RAD21: variants seen among roughly 807,000 people sequenced by gnomAD.
RAD21 encodes RAD21 cohesin complex component, also known as double-strand-break repair protein rad21 homolog.
In RAD21, 18 loss-of-function variants were observed where a neutral mutation model predicts 71.5. That is an observed-to-expected ratio of 0.25 (90% CI 0.17 to 0.37). RAD21 has a LOEUF of 0.37. Among genes scored for constraint, RAD21 ranks in the 10% least tolerant of loss-of-function variants. RAD21 has a pLI of 1.00. For synonymous variants in RAD21, 248 were observed against 254.0 expected (o/e 0.98, Z 0.22); for missense variants, 493 against 769.1 (o/e 0.64, Z 4.25).
intron 7 of RAD21, among the ~76,000 whole-genome samples, 161 bp from the exon 8 acceptor site, chr8:116,856,449 T>C (rs982246669): frequency 6.6e-6 from 1 of 152,150 alleles, no homozygotes; most frequent in Non-Finnish European, 1.5e-5. Flanking sequence ...CCCGCCAGAC[T>C]TGAACCCAAT....
chr8:116,852,159 A>G, intron 10 of RAD21, 63 bp from the exon 11 acceptor site: 1 of 1,402,228 alleles, frequency 7.1e-7, no homozygotes, highest in African/African-American at 1.4e-5. Flanking sequence ...TTATAGAACC[A>G]TTTATTTTTT....
chr8:116,850,639 T>C lies in RAD21; in HGVS notation c.1599A>G (p.Lys533=). The stretch of plus-strand genomic sequence containing the variant: ...TTACCTCTTCCTCTTCATCATCTTC[T>C]TTTTCCTTCTCTTTCTCCTTCTCTT... ...PEKEKEKEKE[K]EDDEEEEDED... is the part of the protein sequence containing the mutation. The change falls in exon 12 of 14, where the codon AAA becomes AAG. Residue 533 remains lysine, a synonymous_variant. Coordinates refer to ENST00000297338, the MANE Select transcript of RAD21 (RefSeq NM_006265.3). The C allele has an allele frequency of 6.2e-7, 1 of 1,609,918 alleles. No homozygotes were observed. Among genetic ancestry groups the C allele is most frequent in the Non-Finnish European group, 8.5e-7 (1 of 1,176,570 alleles).
chr8:116,860,471 G>A (rs1370803984), intron 4 of RAD21, among the ~76,000 whole-genome samples: 1 of 152,150 alleles, frequency 6.6e-6, no homozygotes, highest in African/African-American at 2.4e-5. Flanking sequence ...AATTGCCGCA[G>A]TTACCTCAAA....
At chr8:116,858,609 G>C (rs1364188496) in intron 4 of RAD21, 151 bp from the exon 5 acceptor site, 3 of 514,186 alleles carry the variant, frequency 5.8e-6, no homozygotes. Flanking sequence ...ACACATTCCA[G>C]TACAATCCAA....
In RAD21 at chr8:116,861,824, T is replaced by TC; in HGVS notation, c.374+16_374+17insG. The TC allele has an allele frequency of 6.3e-7, 1 of 1,582,272 alleles. No individual in the cohort carries two copies. The highest frequency in any genetic ancestry group is 8.7e-7 in the Non-Finnish European group (1 of 1,152,688). On this transcript the variant is annotated intron_variant, in intron 4 of 13. Transcript: ENST00000297338. ...TGCAGACCAAGTCAACAATTTTTTT[T>TC]AAAAGAAGACACATACTCTAAGTCA...
rs16888946 is a variant in RAD21 at position 116,858,949 on chromosome 8, C to T, written c.375-491G>A. 8.1e-3 allele frequency among the ~76,000 whole-genome samples: 1,197 copies of T among 148,238 alleles called. 14 individuals are homozygous for T. The highest frequency in any genetic ancestry group is 0.03 in the African/African-American group (1,142 of 38,098). On this transcript the variant is annotated intron_variant, in intron 4 of 13. Coordinates refer to ENST00000297338, the MANE Select transcript of RAD21 (RefSeq NM_006265.3). The stretch of plus-strand genomic sequence containing the variant: ...AGCCATATCCAGAACATTAATACCT[C>T]AAAACAACTGACCAAGTCTGTACAA...
intron 1 of RAD21, among the ~76,000 whole-genome samples, chr8:116,867,684 G>T (rs2130487168): frequency 6.6e-6 from 1 of 152,256 alleles, no homozygotes; most frequent in Non-Finnish European, 1.5e-5. Context: ...ACTAGAAAAT[G>T]ATATATGCCT....
In RAD21 at chr8:116,856,564, T is replaced by C. The variant is rs1279325974; in HGVS notation, c.814+82A>G. ...TTATAATTCACTAAAAACTACAACT[T>C]TTAGTTTGTCATCTTCTATGGTAAG... On this transcript the variant is annotated intron_variant, in intron 7 of 13. Coordinates refer to ENST00000297338, the MANE Select transcript of RAD21 (RefSeq NM_006265.3). The C allele has an allele frequency of 5.0e-6, 7 of 1,403,822 alleles. No individual in the cohort carries two copies. In the Admixed American group the frequency reaches 7.5e-5, roughly 15 times the overall value. 87.0% of individuals were successfully genotyped at this position (1,403,822 alleles called of 1,614,324 possible).
chr8:116,873,327 T>G (rs996450544), intron 1 of RAD21, among the ~76,000 whole-genome samples: 8 of 152,220 alleles, frequency 5.3e-5, no homozygotes, highest in Non-Finnish European at 1.0e-4. Flanking sequence ...ATACAAACTG[T>G]TAACTTATTT....
chr8:116,873,619 C>G (rs1310902814), intron 1 of RAD21, among the ~76,000 whole-genome samples: 2 of 149,564 alleles, frequency 1.3e-5, no homozygotes, highest in African/African-American at 4.9e-5. Context: ...TTCCCAGAAA[C>G]TCTTCGCACA....
chr8:116,855,217 T>C (rs752457250), intron 8 of RAD21, among the ~76,000 whole-genome samples: 4 of 152,190 alleles, frequency 2.6e-5, no homozygotes, highest in South Asian at 2.1e-4. Flanking sequence ...TTTTACTTAA[T>C]TGCCCATTTC....
intron 13 of RAD21, 195 bp downstream of exon 13, chr8:116,848,751 T>TA: frequency 4.7e-6 from 2 of 424,754 alleles, no homozygotes; most frequent in South Asian, 6.6e-5. Flanking sequence ...AATTAAAACT[T>TA]AAACTATAAT....
rs113285290 is a variant in RAD21, at chr8:116,873,636, G to GTT, written c.-33+973_-33+974dup. ...CCCAGAAACTCTTCGCACAAACGCT[G>GTT]TTTTTTTTTTCACGCTGAAGACACT... On this transcript the variant is annotated intron_variant, in intron 1 of 13. Transcript: ENST00000297338. 6.3e-3 allele frequency among the ~76,000 whole-genome samples: 946 copies of GTT among 149,788 alleles called. 5 individuals are homozygous for GTT. The highest frequency in any genetic ancestry group is 9.4e-3 in the Non-Finnish European group (634 of 67,276).
intron 3 of RAD21, among the ~76,000 whole-genome samples, chr8:116,862,705 A>T (rs2130478613): frequency 6.6e-6 from 1 of 152,272 alleles, no homozygotes; most frequent in Non-Finnish European, 1.5e-5. Flanking sequence ...ACCAATCATT[A>T]CCTAAAACAA....
At chr8:116,849,833 T>C (rs1406930725) in intron 12 of RAD21, among the ~76,000 whole-genome samples, 1 of 152,230 alleles carries the variant, frequency 6.6e-6, no homozygotes, top group Admixed American at 6.5e-5. Context: ...ATAAGCACTA[T>C]TATTAGAATT....
chr8:116,868,306 A>G (rs1460144681), intron 1 of RAD21, among the ~76,000 whole-genome samples: 1 of 152,244 alleles, frequency 6.6e-6, no homozygotes, highest in Non-Finnish European at 1.5e-5. Flanking sequence ...CTGTGATCCA[A>G]GTTGTTACGT....
At position 116,863,200 on chromosome 8, in the gene RAD21, G is replaced by A. The variant is rs918914974; in HGVS notation, c.204C>T (p.His68=). 6 of 1,612,192 alleles carry A rather than the reference G, an allele frequency of 3.7e-6. No homozygotes were observed. Among genetic ancestry groups the A allele is most frequent in the Non-Finnish European group, 5.1e-6 (6 of 1,178,604 alleles). ...HLLLGVVRIY[H]RKAKYLLADC... is the part of the protein sequence containing the mutation. ...CTGCAAGAAGGTATTTGGCTTTCCT[G>A]TGATAGATTCGAACTACTCCCAGTA... Residue 68 remains histidine, a synonymous_variant, in exon 3 of 14, where the codon CAC becomes CAT. Coordinates refer to ENST00000297338, the MANE Select transcript of RAD21 (RefSeq NM_006265.3).
intron 1 of RAD21, among the ~76,000 whole-genome samples, chr8:116,868,147 ATCC>A (rs1385473181): frequency 6.6e-6 from 1 of 152,158 alleles, no homozygotes; most frequent in Admixed American, 6.5e-5. Context: ...GGCTCAAGCA[ATCC>A]TCCTCCCTCA....
intron 1 of RAD21, chr8:116,874,154 G>GCGCCGCGGGCGCCGGGCCCGC (rs1812913944): frequency 6.7e-6 from 1 of 149,646 alleles, no homozygotes; most frequent in Admixed American, 6.6e-5. Flanking sequence ...CCCGGGGCTG[G>GCGCCGCGGGCGCCGGGCCCGC]CACCGCGGGC....
Sources: allele counts gnomAD v4.1 joint callset (sites outside exome capture counted in the v4.1 genomes callset), GRCh38; gene constraint gnomAD v4.1.1; transcripts MANE v1.5; gene names NCBI Gene and HGNC (gene_info 2026-07-23, HGNC 2026-07-21).